The following FBXO22 variants were observed in gnomAD, a reference collection of about 807,000 sequenced individuals.
FBXO22 encodes F-box only protein 22.
Under a neutral mutation model 37.2 loss-of-function variants are expected in FBXO22, and 13 were observed. That is an observed-to-expected ratio of 0.35 (90% confidence interval 0.23 to 0.56). FBXO22 has a LOEUF of 0.56. Among genes scored for constraint, FBXO22 ranks in the 20% least tolerant of loss-of-function variants. The pLI is 0.87. For missense variants in FBXO22, 446 were observed against 509.9 expected (o/e 0.87, Z 1.21); for synonymous variants, 189 against 189.1 (o/e 1.00, Z 0.00).
In FBXO22 at chr15:75,913,401, ACTG is replaced by A. The variant is rs1900112928; in HGVS notation, c.367+113_367+115del. 8.8e-6 allele frequency: 6 copies of A among 680,852 alleles called. No homozygotes were observed. The Admixed American group carries it at 9.5e-5, about 11-fold the overall frequency. The allele number at this position is 680,852 out of a possible 1,614,324, so 42.2% of individuals were successfully genotyped here. On this transcript the variant is annotated intron_variant, in intron 3 of 6. Coordinates refer to ENST00000308275, the MANE Select transcript of FBXO22 (RefSeq NM_147188.3). ...TTAACTGACTTTCTGAGGCTCTGGG[ACTG>A]CCACCTGTAGTATGCATCAATATAT...
At chr15:75,931,682 C>G (rs879915932) in intron 6 of FBXO22, among the ~76,000 whole-genome samples, 14 of 152,040 alleles carry the variant, frequency 9.2e-5, no homozygotes, top group Non-Finnish European at 1.9e-4. Context: ...TTGTTTATCC[C>G]CTAGTGGATG....
At chr15:75,917,748 G>A (rs1292084110) in intron 5 of FBXO22, among the ~76,000 whole-genome samples, 1 of 151,964 alleles carries the variant, frequency 6.6e-6, no homozygotes, top group African/African-American at 2.4e-5. Context: ...TTTTTGTTTT[G>A]TTAACCTTTT....
chr15:75,930,522 G>C, intron 6 of FBXO22: 1 of 987,712 alleles, frequency 1.0e-6, no homozygotes, highest in African/African-American at 1.7e-5. Context: ...TTTTTCCACA[G>C]AATGTCTTGC....
At position 75,913,198 on chromosome 15, in the gene FBXO22, T is replaced by C; in HGVS notation, c.280-5T>C. 2 of 1,603,590 alleles carry C rather than the reference T, an allele frequency of 1.2e-6. No homozygotes were observed. On this transcript the variant is annotated splice_region_variant and splice_polypyrimidine_tract_variant and intron_variant, in intron 2 of 6. Transcript: ENST00000308275. ...CCAATTCCAATTTTTTTTTTTTCTT[T>C]GCAGAATGTTCGCATCTTACCACAT... is the stretch of plus-strand genomic sequence containing the variant.
intron 3 of FBXO22, among the ~76,000 whole-genome samples, chr15:75,913,823 A>G (rs1372288162): frequency 6.6e-6 from 1 of 152,202 alleles, no homozygotes; most frequent in Non-Finnish European, 1.5e-5. Context: ...TACAATAGCA[A>G]GTCTAAAATT....
chr15:75,931,214 G>A (rs554775617), intron 6 of FBXO22, among the ~76,000 whole-genome samples: 1 of 152,230 alleles, frequency 6.6e-6, no homozygotes, highest in East Asian at 1.9e-4. Flanking sequence ...CATCTGAGGT[G>A]CTAGCTTGTA....
At chr15:75,909,805 T>C (rs1298704755) in intron 2 of FBXO22, among the ~76,000 whole-genome samples, 4 of 148,608 alleles carry the variant, frequency 2.7e-5, no homozygotes, top group Non-Finnish European at 5.9e-5. Context: ...CTGCGATACA[T>C]GTGCAGAACA....
Position 75,933,723 on chromosome 15 carries a change from A to G in FBXO22, c.*621A>G, listed in dbSNP as rs1338535581. The G allele has an allele frequency of 6.5e-6, 2 of 307,312 alleles. No homozygotes were observed. Among genetic ancestry groups the G allele is most frequent in the Non-Finnish European group, 1.3e-5 (2 of 158,564 alleles). 19.0% of individuals were successfully genotyped at this position (307,312 alleles called of 1,614,324 possible). A position where few individuals can be genotyped will look rare whatever the true frequency, so the allele number is the denominator to read the frequency against. On this transcript the variant is annotated 3_prime_UTR_variant, in exon 7 of 7. Coordinates refer to ENST00000308275, the MANE Select transcript of FBXO22 (RefSeq NM_147188.3). ...AAAGATTTTTCTTCTTTCCTTAAAAATATTTTTTTTTCACCTAGGTCTAAA... is the reference window on the plus strand; with the variant it reads ...AAAGATTTTTCTTCTTTCCTTAAAAGTATTTTTTTTTCACCTAGGTCTAAA...
intron 5 of FBXO22, among the ~76,000 whole-genome samples, chr15:75,919,663 T>C (rs943738115): frequency 2.0e-5 from 3 of 152,248 alleles, no homozygotes; most frequent in African/African-American, 7.2e-5. Flanking sequence ...AGATTGTAGC[T>C]AGATGCTAGT....
At position 75,904,562 on chromosome 15, in the gene FBXO22, C is replaced by T; in HGVS notation, c.212C>T (p.Ala71Val). ...CATCGGAGCGTAACCTGGATCTCCG[C>T]AGGCCTGGCGGAGGCCGGCCACCTG... is the stretch of plus-strand genomic sequence containing the variant. ...RTHRSVTWIS[A>V]GLAEAGHLEG... Residue 71 changes from alanine to valine, a missense_variant, in exon 2 of 7, where the codon GCA becomes GTA. Physicochemically the swap from Ala to Val is moderately conservative, Grantham distance 64. This residue lies in a region of FBXO22 where 131 missense variants were observed against 99.8 expected (regional missense o/e 1.31). Coordinates refer to ENST00000308275, the MANE Select transcript of FBXO22 (RefSeq NM_147188.3). 1.2e-6 allele frequency: 2 copies of T among 1,613,410 alleles called. No homozygotes were observed. The highest frequency in any genetic ancestry group is 1.7e-6 in the Non-Finnish European group (2 of 1,179,658).
rs140893622 is a variant in FBXO22, at chr15:75,932,782, G to A, written c.892G>A (p.Asp298Asn). 1 of 1,614,264 alleles carries A rather than the reference G, an allele frequency of 6.2e-7. No homozygotes were observed. Reference protein sequence around the residue: ...ATVLLNEDVSDEKTAEAAMQR... With the variant: ...ATVLLNEDVSNEKTAEAAMQR... Reference sequence around the variant, plus strand: ...TGTGCTCCTCAACGAGGACGTCAGTGATGAGAAGACTGCTGAGGCTGCGAT... The same window carrying A: ...TGTGCTCCTCAACGAGGACGTCAGTAATGAGAAGACTGCTGAGGCTGCGAT... Residue 298 changes from aspartate to asparagine, a missense_variant, in exon 7 of 7, where the codon GAT (aspartate) becomes AAT (asparagine). Physicochemically the swap from Asp to Asn is conservative, Grantham distance 23 (BLOSUM62 1). Around this residue, in one of 2 missense-constraint regions of FBXO22, gnomAD observed 315 missense variants for 410.1 expected, o/e 0.77. Coordinates refer to ENST00000308275, the MANE Select transcript of FBXO22 (RefSeq NM_147188.3).
intron 5 of FBXO22, among the ~76,000 whole-genome samples, chr15:75,919,114 A>G (rs1018746696): frequency 1.3e-5 from 2 of 152,028 alleles, no homozygotes; most frequent in African/African-American, 4.8e-5. Context: ...TACATGCTGT[A>G]TGCACCACCA....
chr15:75,923,791 GAC>G (rs1371487187), intron 5 of FBXO22, among the ~76,000 whole-genome samples: 2 of 152,120 alleles, frequency 1.3e-5, no homozygotes, highest in Admixed American at 6.5e-5. Context: ...ATATGCAGGA[GAC>G]ACAGACTGTT....
intron 5 of FBXO22, among the ~76,000 whole-genome samples, chr15:75,920,070 G>T (rs573459127): frequency 2.0e-5 from 3 of 152,228 alleles, no homozygotes; most frequent in Non-Finnish European, 4.4e-5. Context: ...TTTGGGAAAA[G>T]GTCAGATAGT....
Position 75,904,601 on chromosome 15 carries a change from T to C in FBXO22, c.251T>C (p.Leu84Ser). The change falls in exon 2 of 7, where the codon TTG becomes TCG. Residue 84 changes from leucine (L) to serine (S), a missense_variant. By Grantham distance (145) the Leu-to-Ser change is moderately radical. This residue lies in a region of FBXO22 where 315 missense variants were observed against 410.1 expected (regional missense o/e 0.77). Transcript: ENST00000308275. ...GCCGGCCACCTGGAGGGGCATTGCTTGGTTCGCGTGGTAGCAGAGGAGCTT... is the reference window on the plus strand; with the variant it reads ...GCCGGCCACCTGGAGGGGCATTGCTCGGTTCGCGTGGTAGCAGAGGAGCTT... Reference protein sequence around the residue: ...AEAGHLEGHCLVRVVAEELEN... With the variant: ...AEAGHLEGHCSVRVVAEELEN... 1 of 1,612,100 alleles carries C rather than the reference T, an allele frequency of 6.2e-7. No homozygotes were observed. The highest frequency in any genetic ancestry group is 8.5e-7 in the Non-Finnish European group (1 of 1,178,704).
In FBXO22 at chr15:75,929,796, C is replaced by G. The variant is rs1410080726; in HGVS notation, c.629-88C>G. The G allele has an allele frequency of 2.8e-5, 43 of 1,521,470 alleles. No individual in the cohort carries two copies. The Admixed American group carries it at 6.7e-4, about 24-fold the overall frequency. 94.2% of individuals were successfully genotyped at this position (1,521,470 alleles called of 1,614,324 possible). A position where few individuals can be genotyped will look rare whatever the true frequency, so the allele number is the denominator to read the frequency against. On this transcript the variant is annotated intron_variant, in intron 5 of 6. Coordinates refer to ENST00000308275, the MANE Select transcript of FBXO22 (RefSeq NM_147188.3). Reference sequence around the variant, plus strand: ...ACTAAATTGCCCTTAAGGTGGAGTGCAAGTCAGTAACATTTCATTTTGCAG... The same window carrying G: ...ACTAAATTGCCCTTAAGGTGGAGTGGAAGTCAGTAACATTTCATTTTGCAG...
intron 2 of FBXO22, among the ~76,000 whole-genome samples, chr15:75,912,995 T>G (rs1435783569): frequency 2.0e-5 from 3 of 152,224 alleles, no homozygotes; most frequent in African/African-American, 7.2e-5. Flanking sequence ...AAAGAACCTC[T>G]TTATTTCTGC....
chr15:75,933,023 G>A lies in FBXO22; in HGVS notation c.1133G>A (p.Cys378Tyr). ...ACTGGGAACTTTATATTGAGGAAAT[G>A]TAATGAGGTAAAAGATGATGATCTG... ...IVTGNFILRK[C>Y]NEVKDDDLFH... is the part of the protein sequence containing the mutation. Residue 378 changes from cysteine to tyrosine, a missense_variant, in exon 7 of 7, where the codon TGT becomes TAT. By Grantham distance (194) the Cys-to-Tyr change is radical. Around this residue, in one of 2 missense-constraint regions of FBXO22, gnomAD observed 315 missense variants for 410.1 expected, o/e 0.77. Coordinates refer to ENST00000308275, the MANE Select transcript of FBXO22 (RefSeq NM_147188.3). The A allele has an allele frequency of 1.2e-6, 2 of 1,614,192 alleles. No individual in the cohort carries two copies. The highest frequency in any genetic ancestry group is 1.7e-6 in the Non-Finnish European group (2 of 1,180,032).
At chr15:75,912,959 A>C (rs1203602879) in intron 2 of FBXO22, among the ~76,000 whole-genome samples, 2 of 152,096 alleles carry the variant, frequency 1.3e-5, no homozygotes, top group Admixed American at 1.3e-4. Flanking sequence ...ATTCTGGTAC[A>C]TTGTGTCCTT....
Sources: gnomAD v4.1 joint callset for allele counts (sites outside exome capture counted in the v4.1 genomes callset) on GRCh38, gnomAD v4.1.1 for gene constraint, gnomAD v4.1.1 regional missense constraint, MANE v1.5 for transcripts, NCBI Gene and HGNC (gene_info 2026-07-23, HGNC 2026-07-21) for gene names.